Variants in ATXN1 observed in about 807,000 individuals in gnomAD.
ATXN1 encodes the protein ataxin 1, also known as ataxin-1.
Under a neutral mutation model 56.4 loss-of-function variants are expected in ATXN1, and 8 were observed. The ratio of observed to expected loss-of-function variants is 0.14; its 90% CI spans 0.08 to 0.26. The LOEUF (loss-of-function observed/expected upper bound fraction) is 0.26, where lower values mean the gene tolerates loss of function less well. Among genes scored for constraint, ATXN1 ranks in the 10% least tolerant of loss-of-function variants. The probability of loss-of-function intolerance (pLI) is 1.00; values close to 1 mark genes in which losing one functional copy is unlikely to be tolerated. For synonymous variants in ATXN1, 514 were observed against 494.6 expected (o/e 1.04, Z -0.52); for missense variants, 987 against 1,106.5 (o/e 0.89, Z 1.53).
At chr6:16,373,663 G>A (rs530162849) in intron 6 of ATXN1, among the ~76,000 whole-genome samples, 183 of 152,254 alleles carry the variant, frequency 1.2e-3, no homozygotes, top group African/African-American at 4.1e-3. Flanking sequence ...TAAGTCTCAC[G>A]AGATCTGATT....
chr6:16,753,927 T>C (rs982337661), intron 1 of ATXN1: 1 of 152,372 alleles, frequency 6.6e-6, no homozygotes, highest in African/African-American at 2.4e-5. Flanking sequence ...TACATCTCAT[T>C]TTCATTTTGC....
chr6:16,721,381 T>C (rs978427879), intron 2 of ATXN1, among the ~76,000 whole-genome samples: 4 of 152,182 alleles, frequency 2.6e-5, no homozygotes, highest in Non-Finnish European at 5.9e-5. Flanking sequence ...ATCCCAGCAC[T>C]TTGGGAGGCT....
chr6:16,714,151 GA>G (rs1168293409), intron 2 of ATXN1, among the ~76,000 whole-genome samples: 1 of 97,724 alleles, frequency 1.0e-5, no homozygotes, highest in Non-Finnish European at 2.0e-5. Context: ...TAAGACTGTA[GA>G]AAAAAAGAAA....
intron 4 of ATXN1, among the ~76,000 whole-genome samples, chr6:16,540,600 G>A (rs377443840): frequency 4.1e-4 from 62 of 152,274 alleles, no homozygotes; most frequent in South Asian, 3.3e-3. Context: ...AAGAGGGTAG[G>A]TAAAGTGCCT....
intron 2 of ATXN1, among the ~76,000 whole-genome samples, chr6:16,708,578 G>A (rs1759455614): frequency 6.6e-6 from 1 of 152,190 alleles, no homozygotes; most frequent in Admixed American, 6.5e-5. Context: ...GCCATATTCA[G>A]ATCAGTAGAT....
chr6:16,360,984 A>C (rs556144819), intron 6 of ATXN1, among the ~76,000 whole-genome samples: 13 of 152,324 alleles, frequency 8.5e-5, no homozygotes, highest in Middle Eastern at 3.4e-3. Flanking sequence ...ATTCTAAGTA[A>C]ATGACTCCCA....
intron 6 of ATXN1, among the ~76,000 whole-genome samples, chr6:16,351,603 A>G (rs1020081473): frequency 4.6e-5 from 7 of 151,970 alleles, no homozygotes; most frequent in Non-Finnish European, 7.4e-5. Flanking sequence ...GGGTTTCACC[A>G]TGTTGTCCAG....
intron 2 of ATXN1, among the ~76,000 whole-genome samples, chr6:16,711,343 C>A (rs1287070659): frequency 6.6e-6 from 1 of 151,580 alleles, no homozygotes; most frequent in Non-Finnish European, 1.5e-5. Context: ...TTAGCAACCA[C>A]AGGGTAAGCA....
chr6:16,335,629 T>G (rs554301748), intron 6 of ATXN1, among the ~76,000 whole-genome samples: 1 of 152,386 alleles, frequency 6.6e-6, no homozygotes, highest in Non-Finnish European at 1.5e-5. Flanking sequence ...CTAAAAGTTA[T>G]GCCCACTCAG....
chr6:16,406,720 T>C (rs2113544632), intron 6 of ATXN1, among the ~76,000 whole-genome samples: 1 of 152,340 alleles, frequency 6.6e-6, no homozygotes, highest in Non-Finnish European at 1.5e-5. Flanking sequence ...CTCTTCCTTA[T>C]TTGAAGGTTT....
At chr6:16,549,635 C>G (rs914480037) in intron 4 of ATXN1, among the ~76,000 whole-genome samples, 1 of 152,060 alleles carries the variant, frequency 6.6e-6, no homozygotes, top group Non-Finnish European at 1.5e-5. Context: ...CAGCGGCTTA[C>G]GCCTGTAATC....
In ATXN1 at chr6:16,326,442, G is replaced by A. The variant is rs1020490914; in HGVS notation, c.1869C>T (p.Ser623=). ...CGAACTGTATCACGGCCACGCCCGG[G>A]CTATGGCTGTCTTCAATCCTCTCTA... ...STVERIEDSH[S]PGVAVIQFAV... is the part of the protein sequence containing the mutation. Residue 623 remains serine (S), a synonymous_variant, in exon 7 of 8, where the codon AGC becomes AGT. Transcript: ENST00000436367. The surrounding 1 kb of genome is among the most constrained non-coding windows in gnomAD (Gnocchi z 6.6). The A allele has an allele frequency of 1.1e-5, 17 of 1,613,986 alleles. No homozygotes were observed. The African/African-American group carries it at 2.0e-4, about 19-fold the overall frequency.
At chr6:16,429,013 G>T (rs1759219666) in intron 6 of ATXN1, among the ~76,000 whole-genome samples, 1 of 151,844 alleles carries the variant, frequency 6.6e-6, no homozygotes, top group Non-Finnish European at 1.5e-5. Flanking sequence ...GGTTTGGTTG[G>T]GACATAGGCT....
intron 6 of ATXN1, among the ~76,000 whole-genome samples, chr6:16,457,632 G>A (rs1336733807): frequency 6.6e-6 from 1 of 152,192 alleles, no homozygotes; most frequent in African/African-American, 2.4e-5. Flanking sequence ...TTTTCTGTAA[G>A]AGGGAAGGGA....
intron 4 of ATXN1, among the ~76,000 whole-genome samples, chr6:16,570,404 CTATAAG>C (rs751608688): frequency 3.9e-5 from 6 of 152,200 alleles, no homozygotes; most frequent in East Asian, 1.9e-4. Flanking sequence ...AGGGCTTCAT[CTATAAG>C]TATAATTCAG....
At chr6:16,323,696 A>C (rs1423119665) in intron 7 of ATXN1, among the ~76,000 whole-genome samples, 1 of 152,046 alleles carries the variant, frequency 6.6e-6, no homozygotes, top group East Asian at 1.9e-4. Flanking sequence ...CTCTTTTCAC[A>C]CCTGCCTCTG....
intron 3 of ATXN1, among the ~76,000 whole-genome samples, chr6:16,637,964 G>C (rs1029671620): frequency 6.6e-6 from 1 of 152,124 alleles, no homozygotes; most frequent in African/African-American, 2.4e-5. Flanking sequence ...CTAATTTGTG[G>C]GCTAGCAGAT....
chr6:16,326,704 T>C lies in ATXN1; in HGVS notation c.1607A>G (p.Glu536Gly). 1 of 1,613,444 alleles carries C rather than the reference T, an allele frequency of 6.2e-7. No homozygotes were observed. Among genetic ancestry groups the C allele is most frequent in the Non-Finnish European group, 8.5e-7 (1 of 1,180,002 alleles). The change falls in exon 7 of 8, where the codon GAG becomes GGG. Residue 536 changes from glutamate to glycine, a missense_variant. Glu to Gly is a moderately conservative substitution (Grantham distance 98, BLOSUM62 -2). Transcript: ENST00000436367. This position sits in a 1 kb window ranked among gnomAD's most constrained non-coding sequence, Gnocchi z 6.6. Reference sequence around the variant, plus strand: ...GTAGGCGGCCTGGGTGACCAGGGCCTCAGGGTTGAAGTTCTCGCTCTTGGG... The same window carrying C: ...GTAGGCGGCCTGGGTGACCAGGGCCCCAGGGTTGAAGTTCTCGCTCTTGGG... The part of the protein sequence containing the change: ...ALPKSENFNP[E>G]ALVTQAAYPA...
intron 2 of ATXN1, among the ~76,000 whole-genome samples, chr6:16,677,266 C>T (rs577523927): frequency 7.2e-5 from 11 of 152,266 alleles, no homozygotes; most frequent in African/African-American, 2.4e-4. Context: ...GCATTAATTA[C>T]GTGTGCTCTG....
Sources: gnomAD v4.1 joint callset for allele counts (sites outside exome capture counted in the v4.1 genomes callset) on GRCh38, gnomAD v4.1.1 for gene constraint, Gnocchi (gnomAD v3.1) non-coding constraint, MANE v1.5 for transcripts, NCBI Gene and HGNC (gene_info 2026-07-23, HGNC 2026-07-21) for gene names.